Variants in SNX29 observed in about 807,000 individuals in gnomAD.
The protein encoded by SNX29 is sorting nexin 29, also known as sorting nexin-29.
SNX29 carries 78 observed loss-of-function variants against 102.1 expected under a neutral mutation model. That is an observed-to-expected ratio of 0.76 (90% CI 0.64 to 0.92). The LOEUF (loss-of-function observed/expected upper bound fraction) is 0.92. Among genes scored for constraint, SNX29 ranks in the 40% least tolerant of loss-of-function variants. The probability of loss-of-function intolerance (pLI) is 0.00; values close to 1 mark genes in which losing one functional copy is unlikely to be tolerated. For missense variants in SNX29, 1,280 were observed against 1,061.7 expected (o/e 1.21, Z -2.86); for synonymous variants, 580 against 414.5 (o/e 1.40, Z -4.85).
chr16:12,335,508 C>G (rs1490117746), intron 15 of SNX29, among the ~76,000 whole-genome samples: 1 of 152,110 alleles, frequency 6.6e-6, no homozygotes. Context: ...CACCCCATCT[C>G]TACAAAACAT....
rs79377755 is a variant in SNX29 at position 12,572,310 on chromosome 16, T to C, written c.*3681T>C. ...CTGGGGCCAGTGATCACAATCCAGG[T>C]TGGAAACAGGAGTGAAGCCCACCAG... On this transcript the variant is annotated 3_prime_UTR_variant, in exon 21 of 21. Coordinates refer to ENST00000566228, the MANE Select transcript of SNX29 (RefSeq NM_032167.5). 2 of 1,043,832 alleles carry C rather than the reference T, an allele frequency of 1.9e-6. No individual in the cohort carries two copies. Among genetic ancestry groups the C allele is most frequent in the South Asian group, 4.7e-5 (1 of 21,452 alleles). 64.7% of individuals were successfully genotyped at this position (1,043,832 alleles called of 1,614,324 possible).
At chr16:12,427,371 C>G (rs562658516) in intron 18 of SNX29, among the ~76,000 whole-genome samples, 1 of 151,864 alleles carries the variant, frequency 6.6e-6, no homozygotes, top group Non-Finnish European at 1.5e-5. Context: ...GCGTGAATTA[C>G]CAGTTTGCCA....
At chr16:12,037,124 C>T (rs1192213403) in intron 4 of SNX29, among the ~76,000 whole-genome samples, 1 of 152,124 alleles carries the variant, frequency 6.6e-6, no homozygotes, top group Non-Finnish European at 1.5e-5. Flanking sequence ...GGGGTCGGCA[C>T]ACTCCCTCCT....
chr16:12,550,475 G>A (rs1353207204), intron 20 of SNX29, among the ~76,000 whole-genome samples: 1 of 150,600 alleles, frequency 6.6e-6, no homozygotes, highest in Non-Finnish European at 1.5e-5. Flanking sequence ...GTGGAGGTTG[G>A]AGTGAGCTGA....
chr16:12,453,262 C>G (rs934983105), intron 18 of SNX29, among the ~76,000 whole-genome samples: 1 of 152,208 alleles, frequency 6.6e-6, no homozygotes, highest in African/African-American at 2.4e-5. Flanking sequence ...TCATCGAACT[C>G]AGATGCATTC....
intron 18 of SNX29, among the ~76,000 whole-genome samples, chr16:12,435,590 C>CA (rs2085499246): frequency 6.6e-6 from 1 of 152,166 alleles, no homozygotes; most frequent in African/African-American, 2.4e-5. Context: ...TAGAAAACAC[C>CA]AGAGGACGCA....
At chr16:12,517,595 A>G (rs1356608817) in intron 19 of SNX29, among the ~76,000 whole-genome samples, 2 of 152,268 alleles carry the variant, frequency 1.3e-5, no homozygotes, top group African/African-American at 2.4e-5. Context: ...TGTTCTCTCA[A>G]CAAATGTGTA....
rs117120580 is a variant in SNX29 at position 12,092,416 on chromosome 16, A to G, written c.1402+13501A>G. On this transcript the variant is annotated intron_variant, in intron 11 of 20. Coordinates refer to ENST00000566228, the MANE Select transcript of SNX29 (RefSeq NM_032167.5). The stretch of plus-strand genomic sequence containing the variant: ...CCCAGAGGGCGGGCTCCAGTCTGTT[A>G]TAATCACCATTGTGTCTCTATCTCG... Among the ~76,000 whole-genome samples the G allele has an allele frequency of 1.8e-4, 28 of 152,376 alleles. No homozygotes were observed. In the East Asian group the frequency reaches 4.8e-3, roughly 26 times the overall value.
chr16:12,326,645 C>T (rs192824377), intron 15 of SNX29, among the ~76,000 whole-genome samples: 1 of 152,268 alleles, frequency 6.6e-6, no homozygotes, highest in East Asian at 1.9e-4. Flanking sequence ...AACTTGCTGG[C>T]CCCTGTGTGG....
chr16:12,551,713 C>T (rs748385938), intron 20 of SNX29, among the ~76,000 whole-genome samples: 3 of 152,222 alleles, frequency 2.0e-5, no homozygotes, highest in Non-Finnish European at 2.9e-5. Context: ...GGTGAGCCAA[C>T]TTGTGAATGG....
At chr16:12,130,541 T>G (rs995911107) in intron 13 of SNX29, among the ~76,000 whole-genome samples, 1 of 151,904 alleles carries the variant, frequency 6.6e-6, no homozygotes, top group Non-Finnish European at 1.5e-5. Flanking sequence ...TAATTTAACT[T>G]ATTTCATTGA....
chr16:12,018,046 C>G (rs1158076517), intron 3 of SNX29, among the ~76,000 whole-genome samples: 1 of 152,128 alleles, frequency 6.6e-6, no homozygotes, highest in African/African-American at 2.4e-5. Flanking sequence ...GCTGGGATTA[C>G]AGGTACCTGC....
At chr16:11,993,251 T>C (rs1190665533) in intron 1 of SNX29, among the ~76,000 whole-genome samples, 1 of 152,156 alleles carries the variant, frequency 6.6e-6, no homozygotes, top group Admixed American at 6.6e-5. Flanking sequence ...GGAACCAGTT[T>C]ACCTGGAGCT....
chr16:12,045,053 G>A (rs890361833), intron 5 of SNX29, among the ~76,000 whole-genome samples: 3 of 152,166 alleles, frequency 2.0e-5, no homozygotes, highest in Non-Finnish European at 4.4e-5. Flanking sequence ...TTCCCCAGCT[G>A]GATGTTGGGA....
At chr16:12,457,472 C>T (rs1481891336) in intron 18 of SNX29, among the ~76,000 whole-genome samples, 2 of 152,174 alleles carry the variant, frequency 1.3e-5, no homozygotes, top group African/African-American at 4.8e-5. Context: ...TCAAGAATGG[C>T]CCACACTATA....
At chr16:12,326,858 A>G (rs2081136400) in intron 15 of SNX29, among the ~76,000 whole-genome samples, 1 of 152,182 alleles carries the variant, frequency 6.6e-6, no homozygotes, top group Admixed American at 6.5e-5. Flanking sequence ...AGGTGGGGGC[A>G]ACCCCATTTG....
chr16:12,098,190 C>G lies in SNX29; in HGVS notation c.1402+19275C>G, dbSNP rs1292991262. Reference sequence around the variant, plus strand: ...CTTCCCCTGCCCCCTCCTTCAACTCCTTTTCCTCCTCCTCTTCTCCCTCCT... The same window carrying G: ...CTTCCCCTGCCCCCTCCTTCAACTCGTTTTCCTCCTCCTCTTCTCCCTCCT... On this transcript the variant is annotated intron_variant, in intron 11 of 20. Transcript: ENST00000566228. The surrounding 1 kb of genome is among the most constrained non-coding windows in gnomAD (Gnocchi z 6.0). 2.0e-5 allele frequency among the ~76,000 whole-genome samples: 3 copies of G among 152,216 alleles called. No individual in the cohort carries two copies. Among genetic ancestry groups the G allele is most frequent in the Admixed American group, 6.5e-5 (1 of 15,284 alleles).
intron 1 of SNX29, 72 bp downstream of exon 1, chr16:11,976,885 GC>G: frequency 7.7e-7 from 1 of 1,290,830 alleles, no homozygotes; most frequent in Non-Finnish European, 9.8e-7. Flanking sequence ...GCACACTCCG[GC>G]CCCTGCGTCC....
intron 13 of SNX29, among the ~76,000 whole-genome samples, chr16:12,179,952 G>C (rs1596445594): frequency 1.3e-5 from 2 of 152,160 alleles, no homozygotes; most frequent in Non-Finnish European, 2.9e-5. Context: ...CTAGGTGTTA[G>C]TCATTCCGTC....
Sources: gnomAD v4.1 joint callset for allele counts (sites outside exome capture counted in the v4.1 genomes callset) on GRCh38, gnomAD v4.1.1 for gene constraint, Gnocchi (gnomAD v3.1) non-coding constraint, MANE v1.5 for transcripts, NCBI Gene and HGNC (gene_info 2026-07-23, HGNC 2026-07-21) for gene names.